FOXP1: variants seen among roughly 807,000 people sequenced by gnomAD.
The protein encoded by FOXP1 is forkhead box P1.
Under a neutral mutation model 98.2 loss-of-function variants are expected in FOXP1, and 15 were observed. The ratio of observed to expected loss-of-function variants is 0.15; its 90% CI spans 0.10 to 0.24. FOXP1 has a LOEUF of 0.24. Ranked by LOEUF, FOXP1 falls within the 10% of genes least tolerant of loss-of-function variation. The probability of loss-of-function intolerance (pLI) is 1.00; values close to 1 mark genes in which losing one functional copy is unlikely to be tolerated. For synonymous variants in FOXP1, 371 were observed against 314.5 expected (o/e 1.18, Z -1.90); for missense variants, 633 against 848.5 (o/e 0.75, Z 3.15).
rs186225319 is a variant in FOXP1, at chr3:71,097,102, G to T, written c.282+15434C>A. On this transcript the variant is annotated intron_variant, in intron 7 of 20. Coordinates refer to ENST00000649528, the MANE Select transcript of FOXP1 (RefSeq NM_001349338.3). ...GCTAGTCCCCTCAATAAGGAATCCT[G>T]GTTCAATGAACAAACTGCATGATCA... 2.6e-3 allele frequency among the ~76,000 whole-genome samples: 401 copies of T among 152,200 alleles called. 6 individuals are homozygous for T. Among genetic ancestry groups the T allele is most frequent in the Non-Finnish European group, 6.9e-4 (47 of 68,008 alleles).
rs142740350 is a variant in FOXP1 at position 71,463,778 on chromosome 3, T to C, written c.-168+29648A>G. The stretch of plus-strand genomic sequence containing the variant: ...TCAATTAATCATGTCCTGGAGGTTT[T>C]GTCTGGCTACTCTTGGTTCTTGGCT... On this transcript the variant is annotated intron_variant, in intron 3 of 20. Coordinates refer to ENST00000649528, the MANE Select transcript of FOXP1 (RefSeq NM_001349338.3). Among the ~76,000 whole-genome samples, 335 of 152,282 alleles carry C rather than the reference T, an allele frequency of 2.2e-3. 1 individual carries two copies. Among genetic ancestry groups the C allele is most frequent in the South Asian group, 0.012 (59 of 4,832 alleles).
chr3:71,144,743 C>A (rs2060225058), intron 6 of FOXP1, among the ~76,000 whole-genome samples: 1 of 152,064 alleles, frequency 6.6e-6, no homozygotes. Context: ...TGAGTCTCCT[C>A]ACATGCATGG....
intron 5 of FOXP1, among the ~76,000 whole-genome samples, chr3:71,277,107 C>T (rs1343003541): frequency 5.3e-5 from 8 of 151,704 alleles, no homozygotes; most frequent in Admixed American, 3.3e-4. Flanking sequence ...TACAGGCGCC[C>T]GCCACCACGC....
At chr3:71,391,802 T>A (rs967671055) in intron 3 of FOXP1, among the ~76,000 whole-genome samples, 1 of 152,220 alleles carries the variant, frequency 6.6e-6, no homozygotes, top group African/African-American at 2.4e-5. Flanking sequence ...GCAATCTATA[T>A]CTGTGAGAAC....
intron 6 of FOXP1, among the ~76,000 whole-genome samples, chr3:71,117,842 C>T (rs62257251): frequency 2.0e-5 from 3 of 152,106 alleles, no homozygotes; most frequent in African/African-American, 7.2e-5. Context: ...ATGCTAGGCT[C>T]GGGTTACAGT....
chr3:71,277,386 A>T (rs1289205193), intron 5 of FOXP1, among the ~76,000 whole-genome samples: 2 of 151,418 alleles, frequency 1.3e-5, no homozygotes, highest in Non-Finnish European at 2.9e-5. Context: ...AAATGACAAG[A>T]TTTCATTCTT....
intron 7 of FOXP1, among the ~76,000 whole-genome samples, chr3:71,107,779 G>A (rs544881200): frequency 4.6e-5 from 7 of 152,208 alleles, no homozygotes; most frequent in East Asian, 1.9e-4. Context: ...AGTGAATAAC[G>A]TGGAAATGAT....
Position 71,214,320 on chromosome 3 carries a change from G to A in FOXP1, c.-11-15928C>T, listed in dbSNP as rs372998636. 2.2e-4 allele frequency among the ~76,000 whole-genome samples: 34 copies of A among 152,316 alleles called. No homozygotes were observed. In the South Asian group the frequency reaches 4.1e-3, roughly 19 times the overall value. ...CAAGCTACCTTAATCATGCTGTCAC[G>A]AACATGCCAACGAGAAAGACAGGGC... On this transcript the variant is annotated intron_variant, in intron 5 of 20. Transcript: ENST00000649528.
rs1375609020 is a variant in FOXP1, at chr3:70,977,906, T to C, written c.1270A>G (p.Ile424Val). 7 of 1,614,148 alleles carry C rather than the reference T, an allele frequency of 4.3e-6. No homozygotes were observed. Among genetic ancestry groups the C allele is most frequent in the Non-Finnish European group, 5.9e-6 (7 of 1,180,016 alleles). Residue 424 changes from isoleucine to valine, a missense_variant, in exon 15 of 21, where the codon ATC becomes GTC. Transcript: ENST00000649528. ...ACCGTGTGCATGCTGGTGGTTGTGA[T>C]GACAGAGGGGCCTTGGGTGACGGGA... Reference protein sequence around the residue: ...LTPVTQGPSVITTTSMHTVGP... With the variant: ...LTPVTQGPSVVTTTSMHTVGP...
Position 71,354,949 on chromosome 3 carries a change from C to T in FOXP1, c.-73+4201G>A, listed in dbSNP as rs1050893421. Reference sequence around the variant, plus strand: ...AGTGTTGGGGTTTGAGCTTGGATCCCAATGTCCTTAATCAATTTGTACCAC... The same window carrying T: ...AGTGTTGGGGTTTGAGCTTGGATCCTAATGTCCTTAATCAATTTGTACCAC... On this transcript the variant is annotated intron_variant, in intron 4 of 20. Transcript: ENST00000649528. 2.6e-5 allele frequency among the ~76,000 whole-genome samples: 4 copies of T among 152,284 alleles called. No homozygotes were observed. In the East Asian group the frequency reaches 7.7e-4, roughly 29 times the overall value.
In FOXP1 at chr3:71,197,887, C is replaced by G. The variant is rs1031598665; in HGVS notation, c.180+315G>C. 2.5e-6 allele frequency: 4 copies of G among 1,614,006 alleles called. No individual in the cohort carries two copies. The African/African-American group carries it at 5.3e-5, about 22-fold the overall frequency. ...CATGAAAGCAGTGGGAACCATTTCT[C>G]CAAAGAATAATTTTATTCAAAATGG... On this transcript the variant is annotated intron_variant, in intron 6 of 20. Coordinates refer to ENST00000649528, the MANE Select transcript of FOXP1 (RefSeq NM_001349338.3).
chr3:71,564,037 G>A (rs879377783), intron 2 of FOXP1, among the ~76,000 whole-genome samples: 1 of 152,298 alleles, frequency 6.6e-6, no homozygotes, highest in East Asian at 1.9e-4. Context: ...GGCCACTTAA[G>A]GTTTCACTTC....
At chr3:71,325,699 G>T (rs2075651230) in intron 4 of FOXP1, among the ~76,000 whole-genome samples, 1 of 151,208 alleles carries the variant, frequency 6.6e-6, no homozygotes, top group African/African-American at 2.4e-5. Flanking sequence ...TTTAGAGGTG[G>T]GTCTCACTAT....
chr3:71,141,755 G>T (rs181762600), intron 6 of FOXP1, among the ~76,000 whole-genome samples: 1 of 152,110 alleles, frequency 6.6e-6, no homozygotes, highest in Admixed American at 6.5e-5. Context: ...AATAATTAGA[G>T]CCACTGTGAA....
intron 3 of FOXP1, among the ~76,000 whole-genome samples, chr3:71,487,898 T>C (rs1315876669): frequency 6.6e-6 from 1 of 152,228 alleles, no homozygotes. Flanking sequence ...TCCTATATCA[T>C]AAAACCTATA....
chr3:71,453,096 C>T (rs1171960309), intron 3 of FOXP1, among the ~76,000 whole-genome samples: 2 of 152,130 alleles, frequency 1.3e-5, no homozygotes, highest in African/African-American at 2.4e-5. Flanking sequence ...TGAGTTTCAG[C>T]CCCCTGTAAT....
Position 71,078,690 on chromosome 3 carries a change from T to G in FOXP1, c.283-24917A>C, listed in dbSNP as rs573032684. ...AACTGCTACCAATACCAGCACATCC[T>G]GCAACTAGATAACGTTGCCCAAGGA... On this transcript the variant is annotated intron_variant, in intron 7 of 20. Transcript: ENST00000649528. 7.2e-5 allele frequency among the ~76,000 whole-genome samples: 11 copies of G among 152,076 alleles called. No homozygotes were observed. In the South Asian group the frequency reaches 2.3e-3, roughly 32 times the overall value.
intron 7 of FOXP1, among the ~76,000 whole-genome samples, chr3:71,069,307 T>C (rs1168064694): frequency 6.6e-6 from 1 of 152,220 alleles, no homozygotes; most frequent in African/African-American, 2.4e-5. Context: ...GTAAGTATGA[T>C]GAGCTATGGA....
chr3:71,496,669 A>C (rs1373497866), intron 2 of FOXP1, among the ~76,000 whole-genome samples: 1 of 151,938 alleles, frequency 6.6e-6, no homozygotes, highest in Non-Finnish European at 1.5e-5. Context: ...AAAATACAAA[A>C]ATTAGCTGGG....
Sources: allele counts gnomAD v4.1 joint callset (sites outside exome capture counted in the v4.1 genomes callset), GRCh38; gene constraint gnomAD v4.1.1; transcripts MANE v1.5; gene names NCBI Gene and HGNC (gene_info 2026-07-23, HGNC 2026-07-21).